GDAP2: variants seen among roughly 807,000 people sequenced by gnomAD.
The protein encoded by GDAP2 is ganglioside induced differentiation associated protein 2, also known as ganglioside-induced differentiation-associated protein 2.
GDAP2 carries 51 observed loss-of-function variants against 67.0 expected under a neutral mutation model. The ratio of observed to expected loss-of-function variants is 0.76; its 90% CI spans 0.61 to 0.96. The LOEUF is 0.96. Ranked by LOEUF, GDAP2 falls within the 40% of genes least tolerant of loss-of-function variation. The probability of loss-of-function intolerance (pLI) is 0.00; values close to 1 mark genes in which losing one functional copy is unlikely to be tolerated. For missense variants in GDAP2, 547 were observed against 588.3 expected, an observed-to-expected ratio of 0.93 and a Z score of 0.73; for synonymous variants, 203 against 207.3, an observed-to-expected ratio of 0.98 and a Z score of 0.18.
intron 1 of GDAP2, among the ~76,000 whole-genome samples, chr1:117,926,142 T>C (rs1294831867): frequency 6.6e-6 from 1 of 152,230 alleles, no homozygotes; most frequent in Non-Finnish European, 1.5e-5. Context: ...AGTAATTTGT[T>C]TTGTAGCTCT....
In GDAP2 at chr1:117,899,261, AAAG is replaced by A. The variant is rs760907479; in HGVS notation, c.637-48_637-46del. The A allele has an allele frequency of 5.8e-5, 81 of 1,385,386 alleles. No homozygotes were observed. In the Middle Eastern group the frequency reaches 1.5e-3, roughly 26 times the overall value. 85.8% of individuals were successfully genotyped at this position (1,385,386 alleles called of 1,614,324 possible). On this transcript the variant is annotated intron_variant, in intron 6 of 13. Coordinates refer to ENST00000369443, the MANE Select transcript of GDAP2 (RefSeq NM_017686.4). ...CATTCTGTGAAAAATAGAACAAAAC[AAAG>A]AAGACCTCAGCAGTACTTAGTGCTG... is the stretch of plus-strand genomic sequence containing the variant.
intron 2 of GDAP2, among the ~76,000 whole-genome samples, chr1:117,919,913 A>T (rs1650184669): frequency 6.6e-6 from 1 of 152,128 alleles, no homozygotes; most frequent in African/African-American, 2.4e-5. Flanking sequence ...AGGAGGAATT[A>T]CAAAGGAACA....
chr1:117,928,664 T>C (rs975729894), intron 1 of GDAP2, among the ~76,000 whole-genome samples: 1 of 152,228 alleles, frequency 6.6e-6, no homozygotes, highest in Non-Finnish European at 1.5e-5. Context: ...GAACATGCAT[T>C]AAGCTCAGGA....
Position 117,867,930 on chromosome 1 carries a change from A to T in GDAP2, c.*2639T>A, listed in dbSNP as rs1648132300. ...GTGTACTTGTTTTAAAAATCATATTATGCCTTGCATGATTAATAAATTAAT... is the reference window on the plus strand; with the variant it reads ...GTGTACTTGTTTTAAAAATCATATTTTGCCTTGCATGATTAATAAATTAAT... On this transcript the variant is annotated 3_prime_UTR_variant, in exon 14 of 14. Transcript: ENST00000369443. 6.6e-6 allele frequency: 1 copy of T among 152,202 alleles called. No homozygotes were observed. The highest frequency in any genetic ancestry group is 1.5e-5 in the Non-Finnish European group (1 of 68,034). The allele number at this position is 152,202 out of a possible 1,614,324, so 9.4% of individuals were successfully genotyped here. A position where few individuals can be genotyped will look rare whatever the true frequency, so the allele number is the denominator to read the frequency against.
chr1:117,915,384 C>A (rs1162361436), intron 3 of GDAP2, among the ~76,000 whole-genome samples: 2 of 152,150 alleles, frequency 1.3e-5, no homozygotes, highest in African/African-American at 4.8e-5. Flanking sequence ...ACCACACACA[C>A]AGAGACAAAT....
At chr1:117,872,127 A>G (rs1013700254) in intron 13 of GDAP2, among the ~76,000 whole-genome samples, 4 of 152,220 alleles carry the variant, frequency 2.6e-5, no homozygotes, top group African/African-American at 9.6e-5. Context: ...ATGCAAATCA[A>G]AACCACAATG....
intron 1 of GDAP2, among the ~76,000 whole-genome samples, chr1:117,924,815 A>G (rs981258353): frequency 6.6e-6 from 1 of 152,210 alleles, no homozygotes; most frequent in African/African-American, 2.4e-5. Flanking sequence ...TGGTCTTTCC[A>G]CAAGTTTTGT....
At chr1:117,908,464 G>A (rs1649734401) in intron 5 of GDAP2, among the ~76,000 whole-genome samples, 1 of 152,072 alleles carries the variant, frequency 6.6e-6, no homozygotes, top group Admixed American at 6.5e-5. Context: ...CCTGTTAGAT[G>A]ACAAATTTAC....
chr1:117,883,529 G>A lies in GDAP2; in HGVS notation c.1206C>T (p.Asp402=), dbSNP rs970279216. ...CGTAGAGTTTCTTCAGGAAGTCGGA[G>A]TCCAGGTGATTGTATTCGCTGGTCA... ...HTLTSEYNHL[D]SDFLKKLYDV... is the part of the protein sequence containing the mutation. The change falls in exon 11 of 14, where the codon GAC becomes GAT. Residue 402 remains aspartate (D), a synonymous_variant. Coordinates refer to ENST00000369443, the MANE Select transcript of GDAP2 (RefSeq NM_017686.4). The A allele has an allele frequency of 9.3e-6, 15 of 1,612,514 alleles. No homozygotes were observed. Among genetic ancestry groups the A allele is most frequent in the Non-Finnish European group, 1.3e-5 (15 of 1,178,814 alleles).
intron 6 of GDAP2, among the ~76,000 whole-genome samples, chr1:117,906,276 C>T (rs1421029165): frequency 6.6e-6 from 1 of 152,174 alleles, no homozygotes; most frequent in East Asian, 1.9e-4. Context: ...TACGATTTCA[C>T]TTACAGCAAC....
chr1:117,920,231 G>A lies in GDAP2; in HGVS notation c.127C>T (p.Arg43Ter), dbSNP rs759952888. The stretch of plus-strand genomic sequence containing the variant: ...TCCTTATTATAAAGAAAAGGTGATC[G>A]AACAGTGTCTTCCTGAAATATTTCA... ...TAEIFQEDTV[R>*]SPFLYNKDVN... is the part of the protein sequence containing the mutation. Residue 43 changes from arginine (R) to a stop codon, truncating the protein, a stop_gained, in exon 2 of 14, where the codon CGA (arginine) becomes TGA (stop). Transcript: ENST00000369443. LOFTEE classifies it high-confidence loss of function. The A allele has an allele frequency of 5.6e-6, 9 of 1,608,140 alleles. No homozygotes were observed. Among genetic ancestry groups the A allele is most frequent in the South Asian group, 1.1e-5 (1 of 90,434 alleles).
At chr1:117,904,890 C>T (rs902868741) in intron 6 of GDAP2, among the ~76,000 whole-genome samples, 1 of 152,198 alleles carries the variant, frequency 6.6e-6, no homozygotes, top group Non-Finnish European at 1.5e-5. Flanking sequence ...TAAGACTCAA[C>T]GTGTTCAGAA....
rs773445722 is a variant in GDAP2 at position 117,912,079 on chromosome 1, C to G, written c.474G>C (p.Glu158Asp). 1.3e-6 allele frequency: 2 copies of G among 1,598,366 alleles called. No individual in the cohort carries two copies. Among genetic ancestry groups the G allele is most frequent in the South Asian group, 2.2e-5 (2 of 90,740 alleles). ...AGAAGCCAACAGAAGACATTGACTG[C>G]TCTCTGCAACAAAGGGAAAACACAA... ...CYRNVLQLAK[E>D]QSMSSVGFCV... is the part of the protein sequence containing the mutation. Residue 158 changes from glutamate (E) to aspartate (D), a missense_variant, in exon 5 of 14, where the codon GAG becomes GAC. Glu to Asp is a conservative substitution (Grantham distance 45). Coordinates refer to ENST00000369443, the MANE Select transcript of GDAP2 (RefSeq NM_017686.4).
At chr1:117,901,862 C>T (rs939580781) in intron 6 of GDAP2, among the ~76,000 whole-genome samples, 11 of 152,220 alleles carry the variant, frequency 7.2e-5, no homozygotes, top group African/African-American at 2.7e-4. Context: ...AACTCTTACA[C>T]ACCATGCAAA....
At chr1:117,903,503 G>A (rs189508805) in intron 6 of GDAP2, among the ~76,000 whole-genome samples, 75 of 151,770 alleles carry the variant, frequency 4.9e-4, no homozygotes, top group African/African-American at 1.7e-3. Context: ...TTTTTTCAAT[G>A]TTCTTTTCTA....
At chr1:117,913,355 T>C (rs1311823260) in intron 3 of GDAP2, 2 of 151,592 alleles carry the variant, frequency 1.3e-5, no homozygotes, top group African/African-American at 4.9e-5. Context: ...ATAAAAACAG[T>C]CAAATCTGCA....
chr1:117,900,358 A>G (rs1275874500), intron 6 of GDAP2, among the ~76,000 whole-genome samples: 1 of 152,150 alleles, frequency 6.6e-6, no homozygotes, highest in Non-Finnish European at 1.5e-5. Context: ...ATTCCAGAAC[A>G]TTTTCATCAC....
chr1:117,909,646 G>C (rs1649782232), intron 5 of GDAP2, among the ~76,000 whole-genome samples: 1 of 152,122 alleles, frequency 6.6e-6, no homozygotes, highest in South Asian at 2.1e-4. Flanking sequence ...TTTGCCACTA[G>C]ATTTAAGGCC....
chr1:117,877,591 A>C, intron 13 of GDAP2: 2 of 984,144 alleles, frequency 2.0e-6, no homozygotes, highest in Non-Finnish European at 2.4e-6. Context: ...TGAAACTTTT[A>C]GCAGGGTAAA....
Sources: allele counts gnomAD v4.1 joint callset (sites outside exome capture counted in the v4.1 genomes callset), GRCh38; gene constraint gnomAD v4.1.1; transcripts MANE v1.5; gene names NCBI Gene and HGNC (gene_info 2026-07-23, HGNC 2026-07-21).